NUS1: variants seen among roughly 807,000 people sequenced by gnomAD.
NUS1 encodes NUS1 dehydrodolichyl diphosphate synthase subunit, also known as dehydrodolichyl diphosphate synthase complex subunit NUS1.
For missense variants in NUS1, 292 were observed against 382.9 expected (o/e 0.76, Z 1.98); for synonymous variants, 135 against 155.2 (o/e 0.87, Z 0.97).
At chr6:117,677,341 G>C (rs766669018) in intron 1 of NUS1, among the ~76,000 whole-genome samples, 2 of 152,122 alleles carry the variant, frequency 1.3e-5, no homozygotes, top group African/African-American at 4.8e-5. Context: ...AGTGGAGGTG[G>C]GATTTAAGCA....
At chr6:117,700,126 G>A (rs1773385850) in intron 3 of NUS1, among the ~76,000 whole-genome samples, 1 of 152,126 alleles carries the variant, frequency 6.6e-6, no homozygotes, top group Non-Finnish European at 1.5e-5. Flanking sequence ...GGCAACCAGA[G>A]CAAAAATGAA....
At chr6:117,700,291 C>T (rs1773388124) in intron 3 of NUS1, among the ~76,000 whole-genome samples, 1 of 152,140 alleles carries the variant, frequency 6.6e-6, no homozygotes, top group South Asian at 2.1e-4. Context: ...AGCAAATCTA[C>T]AGGAAAAAGA....
Position 117,695,218 on chromosome 6 carries a change from A to AG in NUS1, c.691+1038_691+1039insG, listed in dbSNP as rs1318109581. 6.2e-3 allele frequency among the ~76,000 whole-genome samples: 927 copies of AG among 150,424 alleles called. 13 individuals carry two copies. The highest frequency in any genetic ancestry group is 0.022 in the African/African-American group (902 of 40,354). On this transcript the variant is annotated intron_variant, in intron 3 of 4. Transcript: ENST00000368494. ...CAAAAAAAAAAAAAAAAAAAAAAAA[A>AG]AAAGAAAAAGAAATGCATTTTCTAT...
rs570508204 is a variant in NUS1, at chr6:117,710,658, T to C, written c.*3643T>C. The C allele has an allele frequency of 6.6e-6, 1 of 152,308 alleles. No individual in the cohort carries two copies. Among genetic ancestry groups the C allele is most frequent in the East Asian group, 1.9e-4 (1 of 5,186 alleles). The allele number at this position is 152,308 out of a possible 1,614,324, so 9.4% of individuals were successfully genotyped here. On this transcript the variant is annotated 3_prime_UTR_variant, in exon 5 of 5. Transcript: ENST00000368494. ...ACTAGAAATTGAGAGTCTTGCATTCTCTTTTGTATTTGATTATTGTGTCTG... is the reference window on the plus strand; with the variant it reads ...ACTAGAAATTGAGAGTCTTGCATTCCCTTTTGTATTTGATTATTGTGTCTG...
At chr6:117,696,886 G>A (rs1773328520) in intron 3 of NUS1, among the ~76,000 whole-genome samples, 1 of 152,008 alleles carries the variant, frequency 6.6e-6, no homozygotes, top group South Asian at 2.1e-4. Context: ...TGTAACTGTG[G>A]TGTATAAAAC....
intron 1 of NUS1, 115 bp downstream of exon 1, chr6:117,676,200 G>GC: frequency 6.8e-7 from 1 of 1,478,820 alleles, no homozygotes; most frequent in Admixed American, 2.3e-5. Context: ...AAATCACAGC[G>GC]CTAGCGCTTT....
chr6:117,699,379 T>C (rs1186365719), intron 3 of NUS1, among the ~76,000 whole-genome samples: 2 of 152,082 alleles, frequency 1.3e-5, no homozygotes, highest in Non-Finnish European at 2.9e-5. Flanking sequence ...ACCAAGAAAG[T>C]AATCACATTT....
intron 3 of NUS1, among the ~76,000 whole-genome samples, chr6:117,696,117 A>T (rs559325344): frequency 1.3e-5 from 2 of 152,054 alleles, no homozygotes; most frequent in Non-Finnish European, 2.9e-5. Flanking sequence ...TCAAGCAGAA[A>T]TTCTGGAGTT....
At chr6:117,692,042 T>C (rs1427965713) in intron 1 of NUS1, among the ~76,000 whole-genome samples, 1 of 151,988 alleles carries the variant, frequency 6.6e-6, no homozygotes, top group Non-Finnish European at 1.5e-5. Context: ...GATATTGAAA[T>C]GAATATATAA....
intron 1 of NUS1, 105 bp downstream of exon 1, chr6:117,676,190 A>G: frequency 6.6e-7 from 1 of 1,514,250 alleles, no homozygotes; most frequent in Non-Finnish European, 8.9e-7. Context: ...GCCTCTCTGC[A>G]AATCACAGCG....
intron 4 of NUS1, among the ~76,000 whole-genome samples, chr6:117,705,378 C>T (rs1419645897): frequency 6.6e-6 from 1 of 152,144 alleles, no homozygotes; most frequent in Non-Finnish European, 1.5e-5. Context: ...GACTATACAG[C>T]TCTATAACTT....
chr6:117,704,647 T>C (rs1052942520), intron 4 of NUS1, among the ~76,000 whole-genome samples: 1 of 152,176 alleles, frequency 6.6e-6, no homozygotes, highest in Admixed American at 6.5e-5. Flanking sequence ...AAATGCTGGG[T>C]CTTGGAGAAT....
In NUS1 at chr6:117,709,169, G is replaced by C. The variant is rs34738323; in HGVS notation, c.*2154G>C. ...CAACTTGAATGGCATTGGTTGTTCT[G>C]TAATTCCTGCCAAAAGCATCACAAG... is the stretch of plus-strand genomic sequence containing the variant. On this transcript the variant is annotated 3_prime_UTR_variant, in exon 5 of 5. Transcript: ENST00000368494. 6.6e-6 allele frequency: 1 copy of C among 152,294 alleles called. No individual in the cohort carries two copies. Among genetic ancestry groups the C allele is most frequent in the Non-Finnish European group, 1.5e-5 (1 of 67,992 alleles). 9.4% of individuals were successfully genotyped at this position (152,294 alleles called of 1,614,324 possible).
At chr6:117,700,093 C>G (rs991352923) in intron 3 of NUS1, among the ~76,000 whole-genome samples, 1 of 152,004 alleles carries the variant, frequency 6.6e-6, no homozygotes, top group Non-Finnish European at 1.5e-5. Flanking sequence ...GGACATTGAA[C>G]TGGGCCAAAC....
chr6:117,692,170 A>G (rs982169750), intron 1 of NUS1, among the ~76,000 whole-genome samples: 1 of 152,176 alleles, frequency 6.6e-6, no homozygotes, highest in African/African-American at 2.4e-5. Flanking sequence ...AAGCAGCTTT[A>G]TATGTATATA....
chr6:117,685,593 C>G (rs1773125397), intron 1 of NUS1, among the ~76,000 whole-genome samples: 1 of 152,050 alleles, frequency 6.6e-6, no homozygotes, highest in Non-Finnish European at 1.5e-5. Flanking sequence ...CTCAAGTGAT[C>G]CTCCCATCTC....
At chr6:117,694,926 G>A (rs1166325931) in intron 3 of NUS1, among the ~76,000 whole-genome samples, 1 of 151,986 alleles carries the variant, frequency 6.6e-6, no homozygotes, top group Non-Finnish European at 1.5e-5. Flanking sequence ...TGGATGGGGT[G>A]GCTCACACTT....
At position 117,707,143 on chromosome 6, in the gene NUS1, C is replaced by T; in HGVS notation, c.*128C>T. On this transcript the variant is annotated 3_prime_UTR_variant, in exon 5 of 5. Coordinates refer to ENST00000368494, the MANE Select transcript of NUS1 (RefSeq NM_138459.5). ...ATAATCCTCATAATTTATCAACAAACACAAAAAAGTGTCTTACTTGAGAGT... is the reference window on the plus strand; with the variant it reads ...ATAATCCTCATAATTTATCAACAAATACAAAAAAGTGTCTTACTTGAGAGT... 1.2e-6 allele frequency: 1 copy of T among 822,626 alleles called. No individual in the cohort carries two copies. The highest frequency in any genetic ancestry group is 1.5e-5 in the South Asian group (1 of 66,534). 51.0% of individuals were successfully genotyped at this position (822,626 alleles called of 1,614,324 possible). A position where few individuals can be genotyped will look rare whatever the true frequency, so the allele number is the denominator to read the frequency against.
At chr6:117,684,945 A>AC (rs1468310705) in intron 1 of NUS1, among the ~76,000 whole-genome samples, 2 of 152,280 alleles carry the variant, frequency 1.3e-5, no homozygotes, top group African/African-American at 2.4e-5. Context: ...TTACATATGC[A>AC]TGTGGACAAA....
Sources: gnomAD v4.1 joint callset for allele counts (sites outside exome capture counted in the v4.1 genomes callset) on GRCh38, gnomAD v4.1.1 for gene constraint, MANE v1.5 for transcripts, NCBI Gene and HGNC (gene_info 2026-07-23, HGNC 2026-07-21) for gene names.